PLEKHG7: variants seen among roughly 807,000 people sequenced by gnomAD.
PLEKHG7 encodes the protein pleckstrin homology and RhoGEF domain containing G7.
PLEKHG7 carries 77 observed loss-of-function variants against 85.2 expected under a neutral mutation model. The ratio of observed to expected loss-of-function variants is 0.90; its 90% CI spans 0.75 to 1.09. PLEKHG7 has a LOEUF of 1.09. Among genes scored for constraint, PLEKHG7 ranks in the 50% least tolerant of loss-of-function variants. PLEKHG7 has a pLI of 0.00. For synonymous variants in PLEKHG7, 301 were observed against 302.4 expected, an observed-to-expected ratio of 1.00 and a Z score of 0.05; for missense variants, 777 against 804.3, an observed-to-expected ratio of 0.97 and a Z score of 0.41.
rs1871232475 is a variant in PLEKHG7, at chr12:92,706,570, C to T, written c.-62C>T. ...GAAATTGAGCACCCTCCATGTGATCCAGAGAACAGCAACTCATACGTCTTC... is the reference window on the plus strand; with the variant it reads ...GAAATTGAGCACCCTCCATGTGATCTAGAGAACAGCAACTCATACGTCTTC... On this transcript the variant is annotated 5_prime_UTR_variant, in exon 2 of 17. The change creates a premature stop within an existing upstream ORF in the 5' untranslated region. Coordinates refer to ENST00000344636, the MANE Select transcript of PLEKHG7 (RefSeq NM_001377329.1). 4.0e-6 allele frequency: 6 copies of T among 1,516,896 alleles called. No individual in the cohort carries two copies. Among genetic ancestry groups the T allele is most frequent in the Non-Finnish European group, 5.3e-6 (6 of 1,136,732 alleles). 94.0% of individuals were successfully genotyped at this position (1,516,896 alleles called of 1,614,324 possible). A position where few individuals can be genotyped will look rare whatever the true frequency, so the allele number is the denominator to read the frequency against.
chr12:92,752,852 G>T (rs767911754), intron 10 of PLEKHG7, among the ~76,000 whole-genome samples: 3 of 152,172 alleles, frequency 2.0e-5, no homozygotes, highest in African/African-American at 4.8e-5. Context: ...TGCCAGCATG[G>T]TTAGGGGCCG....
intron 13 of PLEKHG7, 121 bp from the exon 14 acceptor site, chr12:92,761,631 A>AAAGAAAGAAAGGAAGAAAGAAAGAAAGG (rs762038377): frequency 6.5e-6 from 1 of 153,058 alleles, no homozygotes; most frequent in African/African-American, 1.1e-4. Flanking sequence ...AAGAAGAAAG[A>AAAGAAAGAAAGGAAGAAAGAAAGAAAGG]AAGAAAGAAA....
rs1448020419 is a variant in PLEKHG7, at chr12:92,737,460, T to A, written c.878T>A (p.Val293Glu). Residue 293 changes from valine (V) to glutamate (E), a missense_variant, in exon 7 of 17, where the codon GTG becomes GAG. Coordinates refer to ENST00000344636, the MANE Select transcript of PLEKHG7 (RefSeq NM_001377329.1). ...QLDLKKQQEA[V>E]WELFTSECTY... ...GACCTGAAAAAGCAGCAAGAGGCCGTGTGGGAACTTTTCACAAGTGAATGC... is the reference window on the plus strand; with the variant it reads ...GACCTGAAAAAGCAGCAAGAGGCCGAGTGGGAACTTTTCACAAGTGAATGC... The A allele has an allele frequency of 6.3e-7, 1 of 1,594,076 alleles. No homozygotes were observed. Among genetic ancestry groups the A allele is most frequent in the African/African-American group, 1.4e-5 (1 of 73,548 alleles).
chr12:92,715,183 G>A (rs1468724312), intron 3 of PLEKHG7, among the ~76,000 whole-genome samples: 1 of 152,182 alleles, frequency 6.6e-6, no homozygotes, highest in Non-Finnish European at 1.5e-5. Context: ...GGAGTCCAAT[G>A]TTCGAGGGCA....
chr12:92,758,686 T>C (rs1872904239), intron 13 of PLEKHG7, among the ~76,000 whole-genome samples: 1 of 152,242 alleles, frequency 6.6e-6, no homozygotes, highest in African/African-American at 2.4e-5. Flanking sequence ...CTACATAATG[T>C]CACTAACACC....
chr12:92,768,653 T>G (rs1042554342), intron 15 of PLEKHG7, among the ~76,000 whole-genome samples: 5 of 152,152 alleles, frequency 3.3e-5, no homozygotes, highest in African/African-American at 1.2e-4. Flanking sequence ...TATATTTTCA[T>G]ACACAAAAAA....
At chr12:92,720,288 C>T (rs1369417956) in intron 3 of PLEKHG7, among the ~76,000 whole-genome samples, 2 of 151,840 alleles carry the variant, frequency 1.3e-5, no homozygotes, top group Non-Finnish European at 2.9e-5. Flanking sequence ...TCTTCACATA[C>T]CCTTCTCTCT....
chr12:92,711,424 G>A (rs115052710), intron 3 of PLEKHG7, among the ~76,000 whole-genome samples: 1,643 of 152,226 alleles, frequency 0.011, 35 homozygotes, highest in African/African-American at 0.038. Context: ...TGTGCCTTCA[G>A]GACCCGCTTG....
intron 4 of PLEKHG7, among the ~76,000 whole-genome samples, chr12:92,729,394 C>T (rs1871917464): frequency 6.7e-6 from 1 of 149,232 alleles, no homozygotes; most frequent in Non-Finnish European, 1.5e-5. Context: ...ATCCCAGGCC[C>T]AAGACCTGAG....
chr12:92,756,935 G>A (rs1419252339), intron 13 of PLEKHG7, among the ~76,000 whole-genome samples: 1 of 152,222 alleles, frequency 6.6e-6, no homozygotes, highest in Non-Finnish European at 1.5e-5. Context: ...GTGCCCTGGA[G>A]AGGCTTCGTG....
chr12:92,735,213 G>T (rs192173192), intron 5 of PLEKHG7, among the ~76,000 whole-genome samples: 1 of 152,126 alleles, frequency 6.6e-6, no homozygotes, highest in Non-Finnish European at 1.5e-5. Context: ...CAGTCACTAT[G>T]GTTTCAGACA....
rs201294356 is a variant in PLEKHG7, at chr12:92,755,989, G to T, written c.1542+49G>T. On this transcript the variant is annotated intron_variant, in intron 12 of 16. Coordinates refer to ENST00000344636, the MANE Select transcript of PLEKHG7 (RefSeq NM_001377329.1). ...ACTTATGTCCATTTCTGGAATTTGGGCATTCAGATAGAAATACAATCATCT... is the reference window on the plus strand; with the variant it reads ...ACTTATGTCCATTTCTGGAATTTGGTCATTCAGATAGAAATACAATCATCT... 29 of 1,294,892 alleles carry T rather than the reference G, an allele frequency of 2.2e-5. No homozygotes were observed. In the East Asian group the frequency reaches 4.9e-4, roughly 22 times the overall value. 80.2% of individuals were successfully genotyped at this position (1,294,892 alleles called of 1,614,324 possible). A position where few individuals can be genotyped will look rare whatever the true frequency, so the allele number is the denominator to read the frequency against.
In PLEKHG7 at chr12:92,761,642, GAAAGAAAGA is replaced by G. The variant is rs1362759590; in HGVS notation, c.1637-107_1637-99del. 7.2e-5 allele frequency: 56 copies of G among 779,332 alleles called. 1 individual carries two copies. The highest frequency in any genetic ancestry group is 4.8e-4 in the African/African-American group (20 of 41,652). The allele number at this position is 779,332 out of a possible 1,614,324, so 48.3% of individuals were successfully genotyped here. On this transcript the variant is annotated intron_variant, in intron 13 of 16. Transcript: ENST00000344636. ...AAGAAAGAAGAAAGAAAGAAAGAAAGAAAGAAAGAAAGAAAGAAAGAAAGAAAGAAAGAA... is the reference window on the plus strand; with the variant it reads ...AAGAAAGAAGAAAGAAAGAAAGAAAGAAGAAAGAAAGAAAGAAAGAAAGAA...
chr12:92,736,512 C>T lies in PLEKHG7; in HGVS notation c.730C>T (p.Leu244=), dbSNP rs751076643. 2.5e-5 allele frequency: 31 copies of T among 1,231,848 alleles called. No homozygotes were observed. Among genetic ancestry groups the T allele is most frequent in the Non-Finnish European group, 3.0e-5 (30 of 987,816 alleles). 76.3% of individuals were successfully genotyped at this position (1,231,848 alleles called of 1,614,324 possible). The change falls in exon 6 of 17, where the codon CTG becomes TTG. Residue 244 remains leucine, a synonymous_variant. Coordinates refer to ENST00000344636, the MANE Select transcript of PLEKHG7 (RefSeq NM_001377329.1). ...GKDKHKHISD[L]ENCLSSVKIT... ...AGACAAACACAAGCACATATCTGAT[C>T]TGGAAAACTGCCTGTCCTCTGTGAA...
At chr12:92,734,094 T>C (rs1872068403) in intron 5 of PLEKHG7, among the ~76,000 whole-genome samples, 1 of 152,208 alleles carries the variant, frequency 6.6e-6, no homozygotes, top group Non-Finnish European at 1.5e-5. Flanking sequence ...AAGCTTCACT[T>C]TCACAAGAAC....
chr12:92,721,737 CA>C (rs1871653419), intron 3 of PLEKHG7, among the ~76,000 whole-genome samples: 1 of 126,170 alleles, frequency 7.9e-6, no homozygotes, highest in African/African-American at 3.0e-5. Context: ...AAGCATTTAT[CA>C]AGGATATTTG....
chr12:92,736,373 A>T, intron 5 of PLEKHG7, 109 bp from the exon 6 acceptor site: 1 of 619,428 alleles, frequency 1.6e-6, no homozygotes, highest in Admixed American at 4.4e-5. Context: ...AAAATATGCC[A>T]TCTCTTATCA....
Position 92,771,749 on chromosome 12 carries a change from G to A in PLEKHG7, c.*1554G>A, listed in dbSNP as rs970355359. ...GTTTAGATATAAACTAACCTCGGAGGTGAGCAGTGGACTAGGATGAGGTGG... is the reference window on the plus strand; with the variant it reads ...GTTTAGATATAAACTAACCTCGGAGATGAGCAGTGGACTAGGATGAGGTGG... On this transcript the variant is annotated 3_prime_UTR_variant, in exon 17 of 17. Coordinates refer to ENST00000344636, the MANE Select transcript of PLEKHG7 (RefSeq NM_001377329.1). The A allele has an allele frequency of 6.6e-6, 1 of 151,978 alleles. No homozygotes were observed. Among genetic ancestry groups the A allele is most frequent in the African/African-American group, 2.4e-5 (1 of 41,414 alleles). The allele number at this position is 151,978 out of a possible 1,614,324, so 9.4% of individuals were successfully genotyped here.
chr12:92,758,639 C>T (rs1019113729), intron 13 of PLEKHG7, among the ~76,000 whole-genome samples: 3 of 152,234 alleles, frequency 2.0e-5, no homozygotes, highest in Admixed American at 6.5e-5. Context: ...CCAGAAAATG[C>T]TTCTTGTACA....
Sources: allele counts gnomAD v4.1 joint callset (sites outside exome capture counted in the v4.1 genomes callset), GRCh38; gene constraint gnomAD v4.1.1; transcripts MANE v1.5; gene names NCBI Gene and HGNC (gene_info 2026-07-23, HGNC 2026-07-21).